Variants in RSPO3 observed in about 807,000 individuals in gnomAD.
The protein encoded by RSPO3 is R-spondin-3.
In RSPO3, 17 loss-of-function variants were observed where a neutral mutation model predicts 36.5. That is an observed-to-expected ratio of 0.47 (90% CI 0.32 to 0.70). The LOEUF (loss-of-function observed/expected upper bound fraction) is 0.70, where lower values mean the gene tolerates loss of function less well. Among genes scored for constraint, RSPO3 ranks in the 30% least tolerant of loss-of-function variants. The pLI is 0.04. For missense variants in RSPO3, 294 were observed against 322.5 expected, an observed-to-expected ratio of 0.91 and a Z score of 0.68; for synonymous variants, 108 against 107.0, an observed-to-expected ratio of 1.01 and a Z score of -0.06.
At chr6:127,139,553 TAAGG>T (rs1774227826) in intron 1 of RSPO3, among the ~76,000 whole-genome samples, 1 of 151,274 alleles carries the variant, frequency 6.6e-6, no homozygotes. Flanking sequence ...ATCTTTTTTT[TAAGG>T]TTAGAAAAAA....
intron 3 of RSPO3, 30 bp from the exon 4 acceptor site, chr6:127,155,211 G>T: frequency 6.2e-7 from 1 of 1,608,004 alleles, no homozygotes; most frequent in Non-Finnish European, 8.5e-7. Context: ...TTGTAAGCCA[G>T]CTGAGTCTGT....
intron 4 of RSPO3, among the ~76,000 whole-genome samples, chr6:127,185,669 A>G (rs1464597951): frequency 6.6e-6 from 1 of 152,080 alleles, no homozygotes; most frequent in African/African-American, 2.4e-5. Flanking sequence ...TTTTCCCCAC[A>G]TGATGCAATT....
chr6:127,150,746 T>C (rs1169590075), intron 3 of RSPO3, among the ~76,000 whole-genome samples, 174 bp downstream of exon 3: 1 of 150,246 alleles, frequency 6.7e-6, no homozygotes, highest in Non-Finnish European at 1.5e-5. Flanking sequence ...TAACCTTATC[T>C]AGTATGTATT....
At chr6:127,160,589 G>C (rs1032696982) in intron 4 of RSPO3, among the ~76,000 whole-genome samples, 1 of 152,190 alleles carries the variant, frequency 6.6e-6, no homozygotes, top group Non-Finnish European at 1.5e-5. Flanking sequence ...CTTTTAATTA[G>C]ATGCAAATTA....
At chr6:127,179,409 C>T (rs1248908907) in intron 4 of RSPO3, among the ~76,000 whole-genome samples, 1 of 151,760 alleles carries the variant, frequency 6.6e-6, no homozygotes, top group African/African-American at 2.4e-5. Context: ...ACAAAGTTTT[C>T]AAAAAGGAAA....
intron 1 of RSPO3, among the ~76,000 whole-genome samples, chr6:127,132,538 A>G (rs1774078150): frequency 6.6e-6 from 1 of 152,100 alleles, no homozygotes; most frequent in Non-Finnish European, 1.5e-5. Flanking sequence ...ATCTTATCAC[A>G]TGCCAGTTCA....
chr6:127,123,362 G>T (rs1263085420), intron 1 of RSPO3, among the ~76,000 whole-genome samples: 15 of 152,048 alleles, frequency 9.9e-5, no homozygotes, highest in Non-Finnish European at 1.6e-4. Flanking sequence ...CCTTATTTTT[G>T]AGAGTAACAG....
At chr6:127,172,519 A>G (rs1774960149) in intron 4 of RSPO3, among the ~76,000 whole-genome samples, 1 of 151,648 alleles carries the variant, frequency 6.6e-6, no homozygotes, top group South Asian at 2.1e-4. Context: ...AGTTACTGCA[A>G]TGAAGGTAAA....
At chr6:127,189,385 G>A (rs1258217082) in intron 4 of RSPO3, among the ~76,000 whole-genome samples, 2 of 151,708 alleles carry the variant, frequency 1.3e-5, no homozygotes, top group Admixed American at 1.3e-4. Flanking sequence ...CATTATGGTG[G>A]GACAAGTGCA....
At chr6:127,141,514 T>C (rs1055153056) in intron 1 of RSPO3, among the ~76,000 whole-genome samples, 13 of 152,162 alleles carry the variant, frequency 8.5e-5, no homozygotes, top group African/African-American at 2.9e-4. Context: ...AGGAAATTAT[T>C]ATTCAGTAAG....
chr6:127,170,289 G>A (rs1477077597), intron 4 of RSPO3, among the ~76,000 whole-genome samples: 1 of 151,664 alleles, frequency 6.6e-6, no homozygotes, highest in Non-Finnish European at 1.5e-5. Flanking sequence ...ATTGCATGTA[G>A]AGCCCAATTT....
intron 1 of RSPO3, among the ~76,000 whole-genome samples, chr6:127,143,135 TG>T (rs1774313455): frequency 6.6e-6 from 1 of 152,130 alleles, no homozygotes; most frequent in African/African-American, 2.4e-5. Flanking sequence ...CTTTTTTATA[TG>T]TATTGTGTTC....
chr6:127,124,064 C>T (rs991170189), intron 1 of RSPO3, among the ~76,000 whole-genome samples: 1 of 151,966 alleles, frequency 6.6e-6, no homozygotes, highest in Non-Finnish European at 1.5e-5. Flanking sequence ...TCTTTTGAAT[C>T]CTATGCAATG....
intron 1 of RSPO3, among the ~76,000 whole-genome samples, chr6:127,142,999 G>A (rs1309649918): frequency 7.0e-6 from 1 of 143,184 alleles, no homozygotes; most frequent in Admixed American, 7.0e-5. Flanking sequence ...TTTTTTTTTT[G>A]GTAGAAACAG....
intron 1 of RSPO3, among the ~76,000 whole-genome samples, chr6:127,130,245 T>C (rs1774024040): frequency 6.6e-6 from 1 of 152,160 alleles, no homozygotes; most frequent in Non-Finnish European, 1.5e-5. Context: ...TTGGCTTGGA[T>C]ACCCAGAAAA....
chr6:127,162,745 A>C (rs953871536), intron 4 of RSPO3, among the ~76,000 whole-genome samples: 19 of 152,174 alleles, frequency 1.2e-4, no homozygotes, highest in Non-Finnish European at 2.9e-5. Context: ...CCCTTTTGTA[A>C]GCATACACCT....
At position 127,138,570 on chromosome 6, in the gene RSPO3, T is replaced by C. The variant is rs142225601; in HGVS notation, c.98-10078T>C. Among the ~76,000 whole-genome samples the C allele has an allele frequency of 3.7e-4, 56 of 152,266 alleles. No homozygotes were observed. The East Asian group carries it at 0.01, about 27-fold the overall frequency. ...TTAGTGCCTCTTGAGTTAAACAAAG[T>C]GTCTTATACCTATGATTTTGATGAT... On this transcript the variant is annotated intron_variant, in intron 1 of 4. Coordinates refer to ENST00000356698, the MANE Select transcript of RSPO3 (RefSeq NM_032784.5).
chr6:127,186,509 G>A (rs1775297921), intron 4 of RSPO3, among the ~76,000 whole-genome samples: 1 of 152,066 alleles, frequency 6.6e-6, no homozygotes, highest in African/African-American at 2.4e-5. Context: ...ACATTTAAGT[G>A]TTCTTTACTG....
At chr6:127,119,361 G>T in intron 1 of RSPO3, 72 bp downstream of exon 1, 1 of 1,129,940 alleles carries the variant, frequency 8.9e-7, no homozygotes, top group South Asian at 1.3e-5. Context: ...TGCCTGTCCG[G>T]AGCCGGCTCC....
Sources: allele counts gnomAD v4.1 joint callset (sites outside exome capture counted in the v4.1 genomes callset), GRCh38; gene constraint gnomAD v4.1.1; transcripts MANE v1.5; gene names NCBI Gene and HGNC (gene_info 2026-07-23, HGNC 2026-07-21).